The following FTO variants were observed in gnomAD, a reference collection of about 807,000 sequenced individuals.
FTO encodes the protein alpha-ketoglutarate-dependent dioxygenase FTO.
In FTO, 47 loss-of-function variants were observed where a neutral mutation model predicts 63.9. That is an observed-to-expected ratio of 0.74 (90% CI 0.58 to 0.94). The LOEUF is 0.94. FTO is among the 40% of genes least tolerant of loss of function. The pLI, the probability that FTO is intolerant of heterozygous loss-of-function variation, is 0.00. For synonymous variants in FTO, 207 were observed against 224.4 expected (o/e 0.92, Z 0.69); for missense variants, 562 against 618.1 (o/e 0.91, Z 0.96).
chr16:53,943,475 A>G (rs1447544779), intron 8 of FTO, among the ~76,000 whole-genome samples: 1 of 152,102 alleles, frequency 6.6e-6, no homozygotes, highest in African/African-American at 2.4e-5. Context: ...TTGAGAAAAC[A>G]TTGATTCATT....
chr16:53,911,652 C>T (rs1381804457), intron 7 of FTO, among the ~76,000 whole-genome samples: 1 of 152,230 alleles, frequency 6.6e-6, no homozygotes, highest in East Asian at 1.9e-4. Flanking sequence ...CATGTGGTAT[C>T]CCAGCTAGCT....
chr16:53,827,162 A>G (rs2079029191), intron 3 of FTO, among the ~76,000 whole-genome samples: 1 of 145,770 alleles, frequency 6.9e-6, no homozygotes, highest in Non-Finnish European at 1.5e-5. Context: ...TTGTTCTTGC[A>G]TTTTCTGATG....
intron 1 of FTO, among the ~76,000 whole-genome samples, chr16:53,733,852 A>T (rs2076328155): frequency 6.6e-6 from 1 of 152,226 alleles, no homozygotes; most frequent in African/African-American, 2.4e-5. Flanking sequence ...AATGTAACTT[A>T]CTTTAGCCAG....
At chr16:53,730,341 T>G (rs941702194) in intron 1 of FTO, among the ~76,000 whole-genome samples, 1 of 152,304 alleles carries the variant, frequency 6.6e-6, no homozygotes, top group East Asian at 1.9e-4. Context: ...ATCCAACATG[T>G]GATGTATCTT....
chr16:53,843,672 C>T (rs909137466), intron 3 of FTO, among the ~76,000 whole-genome samples: 20 of 152,120 alleles, frequency 1.3e-4, no homozygotes, highest in African/African-American at 4.6e-4. Context: ...CCCCATTCAT[C>T]TAAAAAATGA....
chr16:53,988,330 A>T (rs1335521171), intron 8 of FTO, among the ~76,000 whole-genome samples: 1 of 152,198 alleles, frequency 6.6e-6, no homozygotes, highest in East Asian at 1.9e-4. Flanking sequence ...TTGATTGTTC[A>T]GTGCCAAGAC....
rs1367824991 is a variant in FTO at position 54,115,800 on chromosome 16, G to C, written c.*3885G>C. On this transcript the variant is annotated 3_prime_UTR_variant, in exon 9 of 9. Coordinates refer to ENST00000471389, the MANE Select transcript of FTO (RefSeq NM_001080432.3). ...CTTGGTGAGATATTTTTATGCATTA[G>C]ATCATCGCTCTATCTGGATTCCAGA... is the stretch of plus-strand genomic sequence containing the variant. The C allele has an allele frequency of 6.6e-6, 1 of 152,220 alleles. No homozygotes were observed. The highest frequency in any genetic ancestry group is 1.5e-5 in the Non-Finnish European group (1 of 68,070). The allele number at this position is 152,220 out of a possible 1,614,324, so 9.4% of individuals were successfully genotyped here.
At position 53,932,538 on chromosome 16, in the gene FTO, C is replaced by T. The variant is rs149362445; in HGVS notation, c.1240-1447C>T. Among the ~76,000 whole-genome samples the T allele has an allele frequency of 2.0e-4, 30 of 151,862 alleles. 1 individual carries two copies. In the East Asian group the frequency reaches 3.7e-3, roughly 19 times the overall value. On this transcript the variant is annotated intron_variant, in intron 7 of 8. Transcript: ENST00000471389. ...CTGAGTAGCTGTTATTATATGTGCA[C>T]GCCACCACGCCTGGCAAATTTTTGT...
At chr16:53,979,156 A>G (rs1313340346) in intron 8 of FTO, among the ~76,000 whole-genome samples, 3 of 152,154 alleles carry the variant, frequency 2.0e-5, no homozygotes. Flanking sequence ...ATATACAATC[A>G]TTTATTTTTA....
chr16:53,971,277 C>A (rs1261415874), intron 8 of FTO, among the ~76,000 whole-genome samples: 1 of 152,094 alleles, frequency 6.6e-6, no homozygotes, highest in African/African-American at 2.4e-5. Flanking sequence ...TGGATTAGAT[C>A]CTTAGAATCT....
chr16:54,066,377 A>G (rs753958039), intron 8 of FTO, among the ~76,000 whole-genome samples: 2 of 152,186 alleles, frequency 1.3e-5, no homozygotes, highest in African/African-American at 2.4e-5. Context: ...TTAGACCGAC[A>G]CCCTTTCATT....
intron 8 of FTO, among the ~76,000 whole-genome samples, chr16:53,945,207 T>C (rs952411555): frequency 6.6e-6 from 1 of 152,246 alleles, no homozygotes; most frequent in Non-Finnish European, 1.5e-5. Flanking sequence ...GAAAAGTGGA[T>C]GTTACTCCTG....
chr16:53,861,009 G>A (rs866146122), intron 4 of FTO, among the ~76,000 whole-genome samples: 3 of 151,852 alleles, frequency 2.0e-5, no homozygotes, highest in Admixed American at 1.3e-4. Flanking sequence ...ATTTTACATT[G>A]TAGATATATA....
intron 5 of FTO, among the ~76,000 whole-genome samples, chr16:53,874,748 C>T (rs1309756946): frequency 1.3e-5 from 2 of 152,160 alleles, no homozygotes; most frequent in African/African-American, 2.4e-5. Flanking sequence ...GATCATATTG[C>T]TGTGTGGCAG....
intron 8 of FTO, among the ~76,000 whole-genome samples, chr16:54,030,118 T>C (rs2084795328): frequency 6.6e-6 from 1 of 152,212 alleles, no homozygotes; most frequent in South Asian, 2.1e-4. Flanking sequence ...CTCTTCCTCC[T>C]AATCCTGTCA....
chr16:54,025,820 C>T (rs1567525084), intron 8 of FTO, among the ~76,000 whole-genome samples: 1 of 152,230 alleles, frequency 6.6e-6, no homozygotes, highest in Non-Finnish European at 1.5e-5. Flanking sequence ...TGACACCAGC[C>T]TGGCCACCAT....
chr16:53,924,106 G>T (rs1196124703), intron 7 of FTO, among the ~76,000 whole-genome samples: 1 of 152,140 alleles, frequency 6.6e-6, no homozygotes, highest in Admixed American at 6.5e-5. Flanking sequence ...TTTCCCCCAA[G>T]ACTTCATACA....
rs183394594 is a variant in FTO, at chr16:53,770,246, G to A, written c.46-39894G>A. Among the ~76,000 whole-genome samples the A allele has an allele frequency of 1.1e-4, 17 of 152,148 alleles. No homozygotes were observed. In the East Asian group the frequency reaches 2.5e-3, roughly 22 times the overall value. ...GAAAAAAATGTAATTTCTTCCTAAC[G>A]AACCTCCTTGCTTCTTTCCCTGCCT... On this transcript the variant is annotated intron_variant, in intron 1 of 8. Transcript: ENST00000471389.
intron 8 of FTO, among the ~76,000 whole-genome samples, chr16:54,001,297 T>C (rs1257561786): frequency 6.6e-6 from 1 of 152,208 alleles, no homozygotes; most frequent in Admixed American, 6.5e-5. Flanking sequence ...TTCTATTCCG[T>C]GAGCACCTGC....
Sources: gnomAD v4.1 joint callset for allele counts (sites outside exome capture counted in the v4.1 genomes callset) on GRCh38, gnomAD v4.1.1 for gene constraint, MANE v1.5 for transcripts, NCBI Gene and HGNC (gene_info 2026-07-23, HGNC 2026-07-21) for gene names.